Variants in DCTN6 observed in about 807,000 individuals in gnomAD.
DCTN6 encodes the protein dynactin 6.
DCTN6 carries 15 observed loss-of-function variants against 25.8 expected under a neutral mutation model. That is an observed-to-expected ratio of 0.58 (90% CI 0.39 to 0.89). The LOEUF (loss-of-function observed/expected upper bound fraction) is 0.89, where lower values mean the gene tolerates loss of function less well. Ranked by LOEUF, DCTN6 falls within the 40% of genes least tolerant of loss-of-function variation. The pLI is 0.00. For missense variants in DCTN6, 198 were observed against 237.6 expected, an observed-to-expected ratio of 0.83 and a Z score of 1.09; for synonymous variants, 64 against 78.3, an observed-to-expected ratio of 0.82 and a Z score of 0.96.
intron 1 of DCTN6, among the ~76,000 whole-genome samples, chr8:30,158,778 C>CTTT (rs34642265): frequency 1.6e-4 from 11 of 70,642 alleles, no homozygotes; most frequent in Admixed American, 4.2e-4. Context: ...TGCCTGGTTC[C>CTTT]TTTTTTTTTT....
intron 6 of DCTN6, among the ~76,000 whole-genome samples, chr8:30,181,313 T>C (rs1803908136): frequency 6.6e-6 from 1 of 152,212 alleles, no homozygotes; most frequent in South Asian, 2.1e-4. Flanking sequence ...CCATACTACA[T>C]TTATCCTGTG....
intron 1 of DCTN6, among the ~76,000 whole-genome samples, chr8:30,156,687 C>G (rs1036827682): frequency 6.6e-6 from 1 of 151,024 alleles, no homozygotes; most frequent in East Asian, 2.0e-4. Flanking sequence ...GCCGGGAGGG[C>G]GGGGGGGGCT....
rs772163498 is a variant in DCTN6, at chr8:30,179,390, C to G, written c.284-18C>G. The G allele has an allele frequency of 1.2e-6, 2 of 1,604,702 alleles. No homozygotes were observed. The highest frequency in any genetic ancestry group is 1.7e-6 in the Non-Finnish European group (2 of 1,173,122). Reference sequence around the variant, plus strand: ...AAGATGAACATATTTGTAGTATTTACCTAACTCTGGCTTACAGATTCCCAA... The same window carrying G: ...AAGATGAACATATTTGTAGTATTTAGCTAACTCTGGCTTACAGATTCCCAA... On this transcript the variant is annotated intron_variant, in intron 4 of 6. Coordinates refer to ENST00000221114, the MANE Select transcript of DCTN6 (RefSeq NM_006571.4).
intron 2 of DCTN6, among the ~76,000 whole-genome samples, chr8:30,170,763 T>A (rs1803752618): frequency 5.2e-3 from 1 of 194 alleles, no homozygotes; most frequent in Non-Finnish European, 0.01. Context: ...TGCCTCAGCC[T>A]CCCAATAGCT....
intron 3 of DCTN6, 28 bp from the exon 4 acceptor site, chr8:30,177,098 T>C: frequency 6.4e-7 from 1 of 1,572,878 alleles, no homozygotes; most frequent in Non-Finnish European, 8.7e-7. Flanking sequence ...TATTGACTTT[T>C]TGGATGATTT....
In DCTN6 at chr8:30,181,882, A is replaced by C. The variant is rs551446660; in HGVS notation, c.475-1193A>C. 3.9e-5 allele frequency among the ~76,000 whole-genome samples: 6 copies of C among 152,004 alleles called. No homozygotes were observed. In the East Asian group the frequency reaches 9.7e-4, roughly 25 times the overall value. On this transcript the variant is annotated intron_variant, in intron 6 of 6. Coordinates refer to ENST00000221114, the MANE Select transcript of DCTN6 (RefSeq NM_006571.4). ...CAGCCTGGGAAAGAAAAAAAAAAAAAAGAATAGTTTCAAGACATAACTTTG... is the reference window on the plus strand; with the variant it reads ...CAGCCTGGGAAAGAAAAAAAAAAAACAGAATAGTTTCAAGACATAACTTTG...
At position 30,183,223 on chromosome 8, in the gene DCTN6, T is replaced by C. The variant is rs1563232402; in HGVS notation, c.*50T>C. On this transcript the variant is annotated 3_prime_UTR_variant, in exon 7 of 7. Coordinates refer to ENST00000221114, the MANE Select transcript of DCTN6 (RefSeq NM_006571.4). The stretch of plus-strand genomic sequence containing the variant: ...CATTTTGTCTTTGACCACTGTCTTT[T>C]GAATGGGCCCACAGTGTTTATGTAC... The C allele has an allele frequency of 7.0e-7, 1 of 1,438,160 alleles. No individual in the cohort carries two copies. The highest frequency in any genetic ancestry group is 9.8e-7 in the Non-Finnish European group (1 of 1,023,780). 89.1% of individuals were successfully genotyped at this position (1,438,160 alleles called of 1,614,324 possible). A position where few individuals can be genotyped will look rare whatever the true frequency, so the allele number is the denominator to read the frequency against.
intron 2 of DCTN6, among the ~76,000 whole-genome samples, chr8:30,172,237 A>T (rs1803772973): frequency 6.6e-6 from 1 of 152,146 alleles, no homozygotes; most frequent in African/African-American, 2.4e-5. Context: ...AAATTATGGT[A>T]TATTAATATA....
intron 2 of DCTN6, among the ~76,000 whole-genome samples, chr8:30,170,399 A>G (rs1460052471): frequency 1.3e-5 from 2 of 152,158 alleles, no homozygotes; most frequent in African/African-American, 4.8e-5. Context: ...TAGTTTGGCA[A>G]TGCTGCCAGC....
At chr8:30,156,507 G>C in intron 1 of DCTN6, 101 bp downstream of exon 1, 5 of 1,403,494 alleles carry the variant, frequency 3.6e-6, no homozygotes, top group Non-Finnish European at 4.9e-6. Context: ...TCTCATCCTG[G>C]GCATTCGGGC....
At chr8:30,178,687 C>T (rs1803876247) in intron 4 of DCTN6, among the ~76,000 whole-genome samples, 1 of 152,044 alleles carries the variant, frequency 6.6e-6, no homozygotes, top group South Asian at 2.1e-4. Context: ...GAGACAGGCT[C>T]TTGCTCTGTC....
At chr8:30,159,586 GT>G (rs1803572364) in intron 1 of DCTN6, among the ~76,000 whole-genome samples, 1 of 151,962 alleles carries the variant, frequency 6.6e-6, no homozygotes, top group Non-Finnish European at 1.5e-5. Flanking sequence ...GATATATCTG[GT>G]GACCATTCCA....
At chr8:30,173,314 A>G (rs563625779) in intron 2 of DCTN6, among the ~76,000 whole-genome samples, 2 of 152,212 alleles carry the variant, frequency 1.3e-5, no homozygotes, top group Admixed American at 6.5e-5. Context: ...GAATGAGTGT[A>G]TATTAAGCAT....
At chr8:30,163,379 C>T (rs2117578706) in intron 1 of DCTN6, among the ~76,000 whole-genome samples, 1 of 152,278 alleles carries the variant, frequency 6.6e-6, no homozygotes, top group East Asian at 1.9e-4. Flanking sequence ...TCCTTGGCCT[C>T]CCAGAGTGCT....
chr8:30,167,135 A>G (rs1309174863), intron 2 of DCTN6, among the ~76,000 whole-genome samples: 1 of 151,560 alleles, frequency 6.6e-6, no homozygotes, highest in African/African-American at 2.4e-5. Context: ...AGGAAGGAGA[A>G]AAAAGAAAAA....
intron 4 of DCTN6, 119 bp from the exon 5 acceptor site, chr8:30,179,289 A>T: frequency 1.5e-6 from 1 of 657,672 alleles, no homozygotes; most frequent in Non-Finnish European, 2.5e-6. Context: ...GGCAAGGGTG[A>T]GCCTGCATGG....
In DCTN6 at chr8:30,180,979, T is replaced by A. The variant is rs528469819; in HGVS notation, c.474+349T>A. 56 of 316,684 alleles carry A rather than the reference T, an allele frequency of 1.8e-4. No homozygotes were observed. The East Asian group carries it at 2.7e-3, about 15-fold the overall frequency. 19.6% of individuals were successfully genotyped at this position (316,684 alleles called of 1,614,324 possible). A position where few individuals can be genotyped will look rare whatever the true frequency, so the allele number is the denominator to read the frequency against. ...AGTGTGAGGTTACCATGAGCCATGA[T>A]CATGCCACTGCACTCCAGCCTGAGC... On this transcript the variant is annotated intron_variant, in intron 6 of 6. Transcript: ENST00000221114.
chr8:30,164,212 A>G, intron 2 of DCTN6, 37 bp downstream of exon 2: 1 of 1,492,534 alleles, frequency 6.7e-7, no homozygotes, highest in Non-Finnish European at 9.3e-7. Context: ...TCAAGAATTG[A>G]TGTGATTTAA....
chr8:30,177,304 C>CT, intron 4 of DCTN6, 90 bp downstream of exon 4: 1 of 1,077,526 alleles, frequency 9.3e-7, no homozygotes. Context: ...TAATTCCTGG[C>CT]TCTCCTTTAG....
Sources: allele counts gnomAD v4.1 joint callset (sites outside exome capture counted in the v4.1 genomes callset), GRCh38; gene constraint gnomAD v4.1.1; transcripts MANE v1.5; gene names NCBI Gene and HGNC (gene_info 2026-07-23, HGNC 2026-07-21).